The following ELF1 variants were observed in gnomAD, a reference collection of about 807,000 sequenced individuals.
ELF1 encodes ETS-related transcription factor Elf-1.
In ELF1, 24 loss-of-function variants were observed where a neutral mutation model predicts 59.9. That is an observed-to-expected ratio of 0.40 (90% CI 0.29 to 0.56). The LOEUF (loss-of-function observed/expected upper bound fraction) is 0.56. ELF1 is among the 20% of genes least tolerant of loss of function. The pLI, the probability that ELF1 is intolerant of heterozygous loss-of-function variation, is 0.44. For synonymous variants in ELF1, 248 were observed against 266.2 expected, an observed-to-expected ratio of 0.93 and a Z score of 0.67; for missense variants, 627 against 742.2, an observed-to-expected ratio of 0.84 and a Z score of 1.80.
chr13:40,980,013 C>T (rs1873162797), intron 2 of ELF1, among the ~76,000 whole-genome samples: 1 of 152,076 alleles, frequency 6.6e-6, no homozygotes, highest in Non-Finnish European at 1.5e-5. Flanking sequence ...CTAATATCAC[C>T]AACAGCACTG....
chr13:40,974,481 CTT>C (rs1204603688), intron 2 of ELF1, among the ~76,000 whole-genome samples: 1 of 152,148 alleles, frequency 6.6e-6, no homozygotes, highest in Non-Finnish European at 1.5e-5. Flanking sequence ...TCACTTGACT[CTT>C]TTGTAGTGAG....
chr13:41,051,593 A>T (rs551373084), intron 1 of ELF1, among the ~76,000 whole-genome samples: 4 of 152,284 alleles, frequency 2.6e-5, no homozygotes, highest in African/African-American at 9.6e-5. Flanking sequence ...TTTCATATAG[A>T]GCAATATATC....
intron 1 of ELF1, among the ~76,000 whole-genome samples, chr13:41,013,526 AT>A (rs1331379164): frequency 6.6e-6 from 1 of 152,226 alleles, no homozygotes; most frequent in Non-Finnish European, 1.5e-5. Flanking sequence ...AGAAAAGATT[AT>A]CGCAAAAGTC....
chr13:40,948,985 TATTATC>T (rs1870675392), intron 5 of ELF1, among the ~76,000 whole-genome samples: 1 of 152,202 alleles, frequency 6.6e-6, no homozygotes, highest in South Asian at 2.1e-4. Flanking sequence ...ATAATTTAAT[TATTATC>T]ATTATTTTTT....
intron 1 of ELF1, among the ~76,000 whole-genome samples, chr13:41,054,537 G>A (rs1877217400): frequency 6.6e-6 from 1 of 152,170 alleles, no homozygotes; most frequent in Non-Finnish European, 1.5e-5. Flanking sequence ...AAAACTGCCA[G>A]TCCGCTGCAA....
chr13:41,027,782 G>A (rs1875997406), intron 1 of ELF1, among the ~76,000 whole-genome samples: 1 of 152,178 alleles, frequency 6.6e-6, no homozygotes, highest in African/African-American at 2.4e-5. Context: ...TGGGGTAATG[G>A]GCTCAAGCTC....
At chr13:40,981,355 G>C (rs986859853) in intron 2 of ELF1, among the ~76,000 whole-genome samples, 5 of 151,942 alleles carry the variant, frequency 3.3e-5, no homozygotes, top group Admixed American at 6.6e-5. Flanking sequence ...TTGTGGGGAG[G>C]GGGGAAGGAG....
chr13:40,944,044 A>G, intron 5 of ELF1, 119 bp from the exon 6 acceptor site: 1 of 847,246 alleles, frequency 1.2e-6, no homozygotes, highest in Non-Finnish European at 1.9e-6. Context: ...TACATGGGTC[A>G]CATATACAGG....
At chr13:41,040,075 A>C (rs1324413075) in intron 1 of ELF1, among the ~76,000 whole-genome samples, 1 of 152,234 alleles carries the variant, frequency 6.6e-6, no homozygotes, top group African/African-American at 2.4e-5. Flanking sequence ...GAGTCCAAAG[A>C]GTATCATTCC....
At chr13:40,985,327 A>C (rs1009720450) in intron 1 of ELF1, among the ~76,000 whole-genome samples, 5 of 152,118 alleles carry the variant, frequency 3.3e-5, no homozygotes, top group African/African-American at 1.2e-4. Context: ...GTATCTTACA[A>C]TTTTTTCAGT....
At chr13:41,041,260 C>CAA (rs11326566) in intron 1 of ELF1, among the ~76,000 whole-genome samples, 2,997 of 115,156 alleles carry the variant, frequency 0.026, 52 homozygotes, top group African/African-American at 0.042. Context: ...CTGGTTTCAT[C>CAA]AAAAAAAAAA....
chr13:41,051,367 G>C (rs981615524), intron 1 of ELF1, among the ~76,000 whole-genome samples: 4 of 151,612 alleles, frequency 2.6e-5, no homozygotes, highest in Non-Finnish European at 5.9e-5. Flanking sequence ...CATGCGCTGG[G>C]ACACCTTATC....
chr13:41,007,197 CCT>C (rs1193028235), intron 1 of ELF1, among the ~76,000 whole-genome samples: 2 of 152,010 alleles, frequency 1.3e-5, no homozygotes, highest in Non-Finnish European at 2.9e-5. Context: ...TCAGAAACGC[CCT>C]GTGTGGAGGT....
At chr13:41,042,823 C>A (rs1159124933) in intron 1 of ELF1, among the ~76,000 whole-genome samples, 20 of 152,134 alleles carry the variant, frequency 1.3e-4, no homozygotes, top group Non-Finnish European at 2.9e-4. Context: ...AAAATATACC[C>A]TGTAATGGGA....
chr13:41,048,455 G>A (rs189438364), intron 1 of ELF1, among the ~76,000 whole-genome samples: 1 of 152,266 alleles, frequency 6.6e-6, no homozygotes, highest in Admixed American at 6.5e-5. Flanking sequence ...GTCTCCATCT[G>A]TCACTCAGGC....
At position 40,947,844 on chromosome 13, in the gene ELF1, A is replaced by G. The variant is rs559247514; in HGVS notation, c.529+1962T>C. Among the ~76,000 whole-genome samples, 5 of 152,376 alleles carry G rather than the reference A, an allele frequency of 3.3e-5. No individual in the cohort carries two copies. The East Asian group carries it at 7.7e-4, about 23-fold the overall frequency. ...AGGATTAGTTCTCTAAGAATCACAC[A>G]TAACAGAATTATTAAATAGAAACTT... On this transcript the variant is annotated intron_variant, in intron 5 of 8. Coordinates refer to ENST00000239882, the MANE Select transcript of ELF1 (RefSeq NM_172373.4).
intron 1 of ELF1, among the ~76,000 whole-genome samples, chr13:41,049,980 A>T: frequency 6.6e-6 from 1 of 152,230 alleles, no homozygotes; most frequent in Middle Eastern, 3.2e-3. Flanking sequence ...ATGTGCATAG[A>T]GTATCCACAT....
intron 5 of ELF1, among the ~76,000 whole-genome samples, chr13:40,946,973 C>G (rs1458168013): frequency 6.6e-6 from 1 of 152,108 alleles, no homozygotes; most frequent in Non-Finnish European, 1.5e-5. Context: ...TTTCTTCTGG[C>G]TTCCCTCTTT....
rs140586961 is a variant in ELF1, at chr13:40,936,194, T to C, written c.1257-2166A>G. ...TAGAGAAGAAGAGAGGCCATCTGAC[T>C]GCAGAGCCGATGTGCCGCCTTACCA... On this transcript the variant is annotated intron_variant, in intron 8 of 8. Transcript: ENST00000239882. 5.1e-3 allele frequency among the ~76,000 whole-genome samples: 774 copies of C among 152,250 alleles called. 9 individuals are homozygous for C. The highest frequency in any genetic ancestry group is 0.018 in the African/African-American group (746 of 41,534).
Sources: gnomAD v4.1 joint callset for allele counts (sites outside exome capture counted in the v4.1 genomes callset) on GRCh38, gnomAD v4.1.1 for gene constraint, MANE v1.5 for transcripts, NCBI Gene and HGNC (gene_info 2026-07-23, HGNC 2026-07-21) for gene names.